Variants in NFIB observed in about 807,000 individuals in gnomAD.
The protein encoded by NFIB is nuclear factor I B, also known as nuclear factor 1 B-type.
A neutral mutation model predicts 61.5 loss-of-function variants in NFIB; 11 were observed. The observed-to-expected ratio is 0.18, with a 90% CI of 0.11 to 0.30. The LOEUF (loss-of-function observed/expected upper bound fraction) is 0.30, where lower values mean the gene tolerates loss of function less well. Ranked by LOEUF, NFIB falls within the 10% of genes least tolerant of loss-of-function variation. The probability of loss-of-function intolerance (pLI) is 1.00; values close to 1 mark genes in which losing one functional copy is unlikely to be tolerated. For synonymous variants in NFIB, 260 were observed against 216.5 expected (o/e 1.20, Z -1.76); for missense variants, 471 against 608.9 (o/e 0.77, Z 2.38).
intron 4 of NFIB, among the ~76,000 whole-genome samples, chr9:14,152,499 C>T (rs1304931785): frequency 6.6e-6 from 1 of 152,096 alleles, no homozygotes; most frequent in Non-Finnish European, 1.5e-5. Context: ...ATCTGTCTGG[C>T]TTCCTATCAC....
At chr9:14,114,003 A>G (rs189133829) in intron 9 of NFIB, among the ~76,000 whole-genome samples, 1 of 152,296 alleles carries the variant, frequency 6.6e-6, no homozygotes, top group Non-Finnish European at 1.5e-5. Context: ...CCACTGCTCC[A>G]TATTACCATA....
intron 2 of NFIB, among the ~76,000 whole-genome samples, chr9:14,249,093 C>T (rs2055277097): frequency 6.6e-6 from 1 of 152,198 alleles, no homozygotes; most frequent in South Asian, 2.1e-4. Flanking sequence ...AAGAATTTGA[C>T]ACCTTTCAGT....
the NFIB span, among the ~76,000 whole-genome samples, chr9:14,440,595 G>C: frequency 6.6e-6 from 1 of 152,172 alleles, no homozygotes; most frequent in East Asian, 1.9e-4. Context: ...TGATCAGAAA[G>C]AGACTGCTGT....
chr9:14,150,238 T>C lies in NFIB; in HGVS notation c.713A>G (p.Asn238Ser), dbSNP rs1202873725. ...RTPITQGTGVNFPIGEIPSQP... is the reference protein window; with the variant it reads ...RTPITQGTGVSFPIGEIPSQP... ...GCTTGGGATTTCTCCAATTGGGAAG[T>C]TGACTCCAGTTCCCTGGGTTATGGG... Residue 238 changes from asparagine (N) to serine (S), a missense_variant, in exon 5 of 11, where the codon AAC (asparagine) becomes AGC (serine). Physicochemically the swap from Asn to Ser is conservative, Grantham distance 46. Around this residue, in one of 2 missense-constraint regions of NFIB, gnomAD observed 372 missense variants for 395.6 expected, o/e 0.94. Coordinates refer to ENST00000380953, the MANE Select transcript of NFIB (RefSeq NM_001190737.2). The C allele has an allele frequency of 1.2e-6, 2 of 1,613,464 alleles. No homozygotes were observed. Among genetic ancestry groups the C allele is most frequent in the South Asian group, 2.2e-5 (2 of 91,074 alleles).
chr9:14,242,290 T>C (rs887972837), intron 2 of NFIB, among the ~76,000 whole-genome samples: 1 of 152,188 alleles, frequency 6.6e-6, no homozygotes, highest in African/African-American at 2.4e-5. Flanking sequence ...AAATATCCAC[T>C]CTCTAGAAGT....
the NFIB span, among the ~76,000 whole-genome samples, chr9:14,517,508 C>T: frequency 2.6e-3 from 390 of 152,278 alleles, 2 homozygotes; most frequent in Non-Finnish European, 1.5e-3. Context: ...GCAGAAACAG[C>T]AGCCATCTGA....
chr9:14,263,054 T>G (rs968259416), intron 2 of NFIB, among the ~76,000 whole-genome samples: 2 of 152,204 alleles, frequency 1.3e-5, no homozygotes, highest in African/African-American at 4.8e-5. Context: ...CTCCAAGTAC[T>G]GCGGCATGCA....
rs2032828762 is a variant in NFIB at position 14,086,131 on chromosome 9, G to GT, written c.*2177dup. The GT allele has an allele frequency of 4.5e-6, 1 of 224,496 alleles. No homozygotes were observed. The highest frequency in any genetic ancestry group is 1.8e-4 in the South Asian group (1 of 5,474). The allele number at this position is 224,496 out of a possible 1,614,324, so 13.9% of individuals were successfully genotyped here. Reference sequence around the variant, plus strand: ...TGGGAAGTTAGAGAGGGGAACCTGTGTAAGTTGAAGTTTGTCACAGTAGGC... The same window carrying GT: ...TGGGAAGTTAGAGAGGGGAACCTGTGTTAAGTTGAAGTTTGTCACAGTAGGC... On this transcript the variant is annotated 3_prime_UTR_variant, in exon 11 of 11. Coordinates refer to ENST00000380953, the MANE Select transcript of NFIB (RefSeq NM_001190737.2).
intron 10 of NFIB, among the ~76,000 whole-genome samples, chr9:14,092,428 G>A (rs1262492787): frequency 6.6e-6 from 1 of 151,996 alleles, no homozygotes; most frequent in African/African-American, 2.4e-5. Context: ...TCACATATGA[G>A]GAAACTGAGG....
At chr9:14,381,922 C>A (rs1163673946) in intron 1 of NFIB, among the ~76,000 whole-genome samples, 1 of 152,204 alleles carries the variant, frequency 6.6e-6, no homozygotes, top group African/African-American at 2.4e-5. Flanking sequence ...CAGAGGGCAA[C>A]TAAGAGAGTG....
At chr9:14,427,941 T>G in the NFIB span, among the ~76,000 whole-genome samples, 2 of 76,728 alleles carry the variant, frequency 2.6e-5, no homozygotes, top group South Asian at 5.9e-4. Flanking sequence ...TCAGTTGTTT[T>G]TTTTTTTTTT....
chr9:14,317,367 G>GACGT (rs1231200141), upstream of NFIB: 5 of 152,268 alleles, frequency 3.3e-5, no homozygotes, highest in African/African-American at 1.2e-4. Flanking sequence ...GAGAAGTGAA[G>GACGT]ACGTCTGGGG....
At chr9:14,122,746 T>C (rs2039101657) in intron 7 of NFIB, among the ~76,000 whole-genome samples, 1 of 152,148 alleles carries the variant, frequency 6.6e-6, no homozygotes, top group South Asian at 2.1e-4. Flanking sequence ...CCTTTAGCTT[T>C]TGAGATTAAT....
chr9:14,374,140 G>T (rs2061390311), intron 1 of NFIB, among the ~76,000 whole-genome samples: 1 of 152,146 alleles, frequency 6.6e-6, no homozygotes, highest in Non-Finnish European at 1.5e-5. Flanking sequence ...TTATATGAGT[G>T]AATATAACAT....
At chr9:14,258,948 A>G (rs1319865214) in intron 2 of NFIB, among the ~76,000 whole-genome samples, 3 of 152,192 alleles carry the variant, frequency 2.0e-5, no homozygotes, top group African/African-American at 4.8e-5. Context: ...TTGGAGGCTC[A>G]TATCCCATAC....
intron 2 of NFIB, among the ~76,000 whole-genome samples, chr9:14,242,620 G>A (rs575560024): frequency 6.6e-6 from 1 of 152,338 alleles, no homozygotes; most frequent in East Asian, 1.9e-4. Flanking sequence ...GTCTGCTGAA[G>A]CAGATGACAG....
chr9:14,482,931 C>T, the NFIB span, among the ~76,000 whole-genome samples: 2 of 152,004 alleles, frequency 1.3e-5, no homozygotes, highest in African/African-American at 4.8e-5. Flanking sequence ...AATTTGGATG[C>T]CTTCTGAAAG....
chr9:14,121,449 C>T (rs2038924930), intron 7 of NFIB, among the ~76,000 whole-genome samples: 2 of 152,200 alleles, frequency 1.3e-5, no homozygotes, highest in Non-Finnish European at 2.9e-5. Context: ...TTTCCCTGTA[C>T]ATCCTACCTG....
At chr9:14,521,653 AT>A in the NFIB span, among the ~76,000 whole-genome samples, 3 of 152,186 alleles carry the variant, frequency 2.0e-5, no homozygotes, top group Non-Finnish European at 4.4e-5. Flanking sequence ...AGTTTAATAC[AT>A]GCAATTTGTT....
Sources: allele counts gnomAD v4.1 joint callset (sites outside exome capture counted in the v4.1 genomes callset), GRCh38; gene constraint gnomAD v4.1.1; regional missense constraint gnomAD v4.1.1; transcripts MANE v1.5; gene names NCBI Gene and HGNC (gene_info 2026-07-23, HGNC 2026-07-21).